Variants in DPF3 observed in about 807,000 individuals in gnomAD.
DPF3 encodes zinc finger protein DPF3.
Under a neutral mutation model 56.8 loss-of-function variants are expected in DPF3, and 18 were observed. That is an observed-to-expected ratio of 0.32 (90% CI 0.22 to 0.47). The LOEUF is 0.47. Among genes scored for constraint, DPF3 ranks in the 20% least tolerant of loss-of-function variants. The pLI is 1.00. For missense variants in DPF3, 403 were observed against 488.8 expected (o/e 0.82, Z 1.65); for synonymous variants, 188 against 180.2 (o/e 1.04, Z -0.35).
At chr14:72,824,535 T>C (rs1234793802) in intron 1 of DPF3, among the ~76,000 whole-genome samples, 2 of 149,940 alleles carry the variant, frequency 1.3e-5, no homozygotes, top group Non-Finnish European at 3.0e-5. Context: ...TCTTTTTCCA[T>C]TTACGTTTTC....
chr14:72,665,528 T>C (rs1334176501), intron 8 of DPF3, among the ~76,000 whole-genome samples: 1 of 152,212 alleles, frequency 6.6e-6, no homozygotes, highest in African/African-American at 2.4e-5. Flanking sequence ...TAAGGTATTC[T>C]AACCAAAATG....
chr14:72,808,077 T>C (rs1239330156), intron 1 of DPF3, among the ~76,000 whole-genome samples: 1 of 151,464 alleles, frequency 6.6e-6, no homozygotes, highest in African/African-American at 2.4e-5. Context: ...AGCTCAGAGA[T>C]GGGGTAAGGA....
At chr14:72,814,371 G>C (rs191530776) in intron 1 of DPF3, among the ~76,000 whole-genome samples, 11 of 152,256 alleles carry the variant, frequency 7.2e-5, no homozygotes, top group African/African-American at 2.2e-4. Context: ...GTCCAGCAGG[G>C]ATTAGATCTG....
intron 8 of DPF3, among the ~76,000 whole-genome samples, chr14:72,639,109 G>A (rs1035697173): frequency 9.2e-5 from 14 of 152,198 alleles, no homozygotes; most frequent in Admixed American, 2.0e-4. Context: ...GAGCCAGTGC[G>A]CCATTTTTAA....
At chr14:72,858,428 G>A (rs1885256661) in intron 1 of DPF3, among the ~76,000 whole-genome samples, 1 of 152,022 alleles carries the variant, frequency 6.6e-6, no homozygotes, top group African/African-American at 2.4e-5. Flanking sequence ...CAGGAGAACT[G>A]CCTCCAGCCC....
At chr14:72,693,786 C>T (rs1887798689) in intron 6 of DPF3, among the ~76,000 whole-genome samples, 1 of 152,196 alleles carries the variant, frequency 6.6e-6, no homozygotes, top group Non-Finnish European at 1.5e-5. Context: ...GGTTCCTGTG[C>T]ACTGTCCCTT....
chr14:72,644,312 T>C (rs2153568020), intron 8 of DPF3, among the ~76,000 whole-genome samples: 1 of 152,358 alleles, frequency 6.6e-6, no homozygotes, highest in Admixed American at 6.5e-5. Flanking sequence ...ACTCCTCCTG[T>C]ATCTGTGATC....
intron 8 of DPF3, among the ~76,000 whole-genome samples, chr14:72,655,606 C>A (rs1886041246): frequency 6.6e-6 from 1 of 152,196 alleles, no homozygotes; most frequent in African/African-American, 2.4e-5. Flanking sequence ...ACATACTTGG[C>A]ATTTCTCTGG....
intron 1 of DPF3, among the ~76,000 whole-genome samples, chr14:72,879,209 C>T (rs1005587776): frequency 3.3e-5 from 5 of 152,056 alleles, no homozygotes; most frequent in African/African-American, 9.7e-5. Context: ...CATGGTGAAA[C>T]GCCATCTCTA....
At chr14:72,700,003 G>T (rs1475495889) in intron 6 of DPF3, among the ~76,000 whole-genome samples, 1 of 152,190 alleles carries the variant, frequency 6.6e-6, no homozygotes, top group Non-Finnish European at 1.5e-5. Context: ...CCAGGGTGGA[G>T]CCTGTGTTTT....
chr14:72,761,725 A>C (rs575448452), intron 2 of DPF3, among the ~76,000 whole-genome samples: 1 of 151,992 alleles, frequency 6.6e-6, no homozygotes, highest in Middle Eastern at 3.4e-3. Context: ...TCCAAAGTAA[A>C]TAGAAGGAAA....
chr14:72,879,379 C>CAA (rs777339050), intron 1 of DPF3, among the ~76,000 whole-genome samples: 2 of 114,372 alleles, frequency 1.7e-5, no homozygotes, highest in East Asian at 4.4e-4. Flanking sequence ...ATTCCATCTC[C>CAA]AAAAAAAAAA....
chr14:72,794,961 G>A (rs996162236), intron 1 of DPF3, among the ~76,000 whole-genome samples: 5 of 151,842 alleles, frequency 3.3e-5, no homozygotes, highest in Admixed American at 6.6e-5. Context: ...GACTCTGACC[G>A]TCCTGTCTCC....
At chr14:72,745,944 C>T (rs73302119) in intron 3 of DPF3, among the ~76,000 whole-genome samples, 5,213 of 152,310 alleles carry the variant, frequency 0.034, 230 homozygotes, top group African/African-American at 0.11. Flanking sequence ...GTGGAAACTG[C>T]ATTTTATGAA....
chr14:72,637,985 G>T (rs773129760), intron 8 of DPF3, among the ~76,000 whole-genome samples: 1 of 152,084 alleles, frequency 6.6e-6, no homozygotes, highest in Non-Finnish European at 1.5e-5. Context: ...ACCACCCACC[G>T]CCATGCAATA....
chr14:72,613,594 T>C lies in DPF3; in HGVS notation c.*5703A>G, dbSNP rs374524379. On this transcript the variant is annotated 3_prime_UTR_variant, in exon 11 of 11. Coordinates refer to ENST00000556509, the MANE Select transcript of DPF3 (RefSeq NM_001280542.3). Reference sequence around the variant, plus strand: ...GGACAGAAGCTGGAACAAAGGGCCCTGGGGAGTCACCTCAGGACCCCCTCA... The same window carrying C: ...GGACAGAAGCTGGAACAAAGGGCCCCGGGGAGTCACCTCAGGACCCCCTCA... 1.3e-4 allele frequency among the ~76,000 whole-genome samples: 20 copies of C among 152,128 alleles called. No homozygotes were observed. Among genetic ancestry groups the C allele is most frequent in the African/African-American group, 4.8e-4 (20 of 41,428 alleles).
rs1336061326 is a variant in DPF3, at chr14:72,858,577, A to T, written c.32+35480T>A. On this transcript the variant is annotated intron_variant, in intron 1 of 10. Coordinates refer to ENST00000556509, the MANE Select transcript of DPF3 (RefSeq NM_001280542.3). ...TTGGTGGACTGCCTGAGTGCCAGGC[A>T]CTAAGATAGGGGGTGGGGGAATGTA... Among the ~76,000 whole-genome samples, 8 of 152,298 alleles carry T rather than the reference A, an allele frequency of 5.3e-5. No homozygotes were observed. The South Asian group carries it at 1.7e-3, about 32-fold the overall frequency.
intron 8 of DPF3, among the ~76,000 whole-genome samples, chr14:72,666,366 T>C (rs1346283847): frequency 1.3e-5 from 2 of 152,230 alleles, no homozygotes; most frequent in South Asian, 4.1e-4. Context: ...TTTTACAGAA[T>C]CAAATACCTC....
chr14:72,744,883 C>T (rs1890263420), intron 3 of DPF3, among the ~76,000 whole-genome samples: 1 of 152,164 alleles, frequency 6.6e-6, no homozygotes, highest in African/African-American at 2.4e-5. Context: ...TGCTCCAGGC[C>T]AGTGGCCCCT....
Sources: gnomAD v4.1 joint callset for allele counts (sites outside exome capture counted in the v4.1 genomes callset) on GRCh38, gnomAD v4.1.1 for gene constraint, MANE v1.5 for transcripts, NCBI Gene and HGNC (gene_info 2026-07-23, HGNC 2026-07-21) for gene names.